SLC9A9: variants seen among roughly 807,000 people sequenced by gnomAD.
SLC9A9 encodes solute carrier family 9 member A9.
Under a neutral mutation model 77.8 loss-of-function variants are expected in SLC9A9, and 62 were observed. The observed-to-expected ratio is 0.80, with a 90% CI of 0.65 to 0.98. The LOEUF is 0.98. SLC9A9 is among the 50% of genes least tolerant of loss of function. SLC9A9 has a pLI of 0.00. For missense variants in SLC9A9, 775 were observed against 774.9 expected (o/e 1.00, Z 0.00); for synonymous variants, 320 against 283.5 (o/e 1.13, Z -1.29).
At chr3:143,500,226 G>T (rs1422166499) in intron 9 of SLC9A9, among the ~76,000 whole-genome samples, 2 of 151,994 alleles carry the variant, frequency 1.3e-5, no homozygotes, top group Non-Finnish European at 2.9e-5. Flanking sequence ...GTTTTTCAAA[G>T]AATTTGTCAT....
At chr3:143,683,983 A>T (rs181358511) in intron 5 of SLC9A9, among the ~76,000 whole-genome samples, 1 of 152,190 alleles carries the variant, frequency 6.6e-6, no homozygotes, top group African/African-American at 2.4e-5. Flanking sequence ...AATAATGATG[A>T]CAACATAACA....
chr3:143,510,032 T>C (rs72991959), intron 9 of SLC9A9, among the ~76,000 whole-genome samples: 3,090 of 152,310 alleles, frequency 0.02, 100 homozygotes, highest in African/African-American at 0.069. Context: ...CTACTTTAAA[T>C]TGATATTTGT....
chr3:143,609,287 A>T (rs2037978315), intron 6 of SLC9A9, among the ~76,000 whole-genome samples: 1 of 152,228 alleles, frequency 6.6e-6, no homozygotes, highest in African/African-American at 2.4e-5. Context: ...CAAGCAAAAA[A>T]ACATGGTGAT....
chr3:143,316,677 G>C (rs2031225774), intron 14 of SLC9A9, among the ~76,000 whole-genome samples: 1 of 152,118 alleles, frequency 6.6e-6, no homozygotes. Flanking sequence ...GATAAACTCT[G>C]ACCTTCTGAC....
chr3:143,471,409 C>T (rs1327074281), intron 11 of SLC9A9, among the ~76,000 whole-genome samples: 1 of 152,066 alleles, frequency 6.6e-6, no homozygotes, highest in Non-Finnish European at 1.5e-5. Context: ...CATATTGATC[C>T]TATCTTCTTA....
chr3:143,481,841 A>G (rs2035579838), intron 11 of SLC9A9, among the ~76,000 whole-genome samples: 1 of 152,198 alleles, frequency 6.6e-6, no homozygotes, highest in Non-Finnish European at 1.5e-5. Flanking sequence ...ATGGAGTTCC[A>G]TTAGCCTGGA....
intron 12 of SLC9A9, among the ~76,000 whole-genome samples, chr3:143,421,508 T>A (rs1201368296): frequency 6.6e-6 from 1 of 152,170 alleles, no homozygotes; most frequent in Non-Finnish European, 1.5e-5. Flanking sequence ...AAGGACCCTC[T>A]ATTTAATAAA....
At chr3:143,313,048 A>G (rs1247429343) in intron 14 of SLC9A9, 8 of 152,146 alleles carry the variant, frequency 5.3e-5, no homozygotes, top group Non-Finnish European at 1.2e-4. Flanking sequence ...TGAGGAAGTT[A>G]AAAAAAACTC....
At chr3:143,276,404 G>A (rs551227880) in intron 14 of SLC9A9, among the ~76,000 whole-genome samples, 6 of 152,278 alleles carry the variant, frequency 3.9e-5, no homozygotes, top group South Asian at 2.1e-4. Context: ...TAGATTTGCT[G>A]TAAATGTGTC....
intron 2 of SLC9A9, among the ~76,000 whole-genome samples, chr3:143,806,182 T>C (rs1458542167): frequency 6.6e-6 from 1 of 150,742 alleles, no homozygotes; most frequent in Non-Finnish European, 1.5e-5. Context: ...ATCAAATGTA[T>C]GGGTTTCACA....
At position 143,266,163 on chromosome 3, in the gene SLC9A9, T is replaced by A. The variant is rs145399446; in HGVS notation, c.*539A>T. On this transcript the variant is annotated 3_prime_UTR_variant, in exon 16 of 16. Coordinates refer to ENST00000316549, the MANE Select transcript of SLC9A9 (RefSeq NM_173653.4). ...GCTCTGGGAAACCATCAGCAGTGGG[T>A]ACGGAACACTTCTCTGGGCTCTGCC... is the stretch of plus-strand genomic sequence containing the variant. 1.7e-5 allele frequency: 12 copies of A among 700,990 alleles called. No homozygotes were observed. The African/African-American group carries it at 2.1e-4, about 12-fold the overall frequency. 43.4% of individuals were successfully genotyped at this position (700,990 alleles called of 1,614,324 possible).
Position 143,381,965 on chromosome 3 carries a change from A to C in SLC9A9, c.1524+95T>G. 1.4e-6 allele frequency: 2 copies of C among 1,425,450 alleles called. 1 individual carries two copies. The highest frequency in any genetic ancestry group is 2.0e-6 in the Non-Finnish European group (2 of 1,008,946). The allele number at this position is 1,425,450 out of a possible 1,614,324, so 88.3% of individuals were successfully genotyped here. On this transcript the variant is annotated intron_variant, in intron 13 of 15. Transcript: ENST00000316549. The stretch of plus-strand genomic sequence containing the variant: ...TCAGCAGAGGAAGCTCCGTTTAGAA[A>C]TAGCTCCTTGGTCACATGCTGGACA...
intron 14 of SLC9A9, among the ~76,000 whole-genome samples, chr3:143,272,799 C>T (rs1341354752): frequency 6.6e-6 from 1 of 152,056 alleles, no homozygotes; most frequent in Non-Finnish European, 1.5e-5. Flanking sequence ...CTCTAATAAG[C>T]TAGAAATGCA....
intron 2 of SLC9A9, among the ~76,000 whole-genome samples, chr3:143,816,022 G>A (rs966326113): frequency 5.3e-5 from 8 of 152,178 alleles, no homozygotes; most frequent in African/African-American, 1.9e-4. Context: ...CTTATTTTAT[G>A]TATGTGCTTG....
chr3:143,464,888 CA>C (rs2035257959), intron 12 of SLC9A9, among the ~76,000 whole-genome samples: 1 of 152,178 alleles, frequency 6.6e-6, no homozygotes, highest in Non-Finnish European at 1.5e-5. Context: ...TGGGTGCCCA[CA>C]AATCTATGAA....
intron 5 of SLC9A9, among the ~76,000 whole-genome samples, chr3:143,663,880 A>G (rs571487865): frequency 6.6e-6 from 1 of 152,314 alleles, no homozygotes; most frequent in South Asian, 2.1e-4. Flanking sequence ...TGATGGGGAG[A>G]ATGGAACCAA....
At chr3:143,761,036 C>T (rs2108832088) in intron 4 of SLC9A9, among the ~76,000 whole-genome samples, 1 of 152,218 alleles carries the variant, frequency 6.6e-6, no homozygotes, top group Admixed American at 6.5e-5. Context: ...GAAATAATAC[C>T]ACAGATCTAC....
intron 13 of SLC9A9, among the ~76,000 whole-genome samples, chr3:143,375,170 T>G (rs1440880128): frequency 6.6e-6 from 1 of 152,240 alleles, no homozygotes; most frequent in Admixed American, 6.5e-5. Context: ...GATATATCAA[T>G]TGGAACCATA....
chr3:143,806,372 T>A (rs1259410698), intron 2 of SLC9A9, among the ~76,000 whole-genome samples: 2 of 152,140 alleles, frequency 1.3e-5, no homozygotes, highest in Admixed American at 6.5e-5. Context: ...TTTCATTGCA[T>A]ACTTTGATGA....
Sources: gnomAD v4.1 joint callset for allele counts (sites outside exome capture counted in the v4.1 genomes callset) on GRCh38, gnomAD v4.1.1 for gene constraint, MANE v1.5 for transcripts, NCBI Gene and HGNC (gene_info 2026-07-23, HGNC 2026-07-21) for gene names.